The following CACNA2D3 variants were observed in gnomAD, a reference collection of about 807,000 sequenced individuals.
CACNA2D3 encodes calcium voltage-gated channel auxiliary subunit alpha2delta 3.
CACNA2D3 carries 60 observed loss-of-function variants against 160.6 expected under a neutral mutation model. The ratio of observed to expected loss-of-function variants is 0.37; its 90% CI spans 0.30 to 0.46. The LOEUF is 0.46. CACNA2D3 is among the 20% of genes least tolerant of loss of function. The pLI, the probability that CACNA2D3 is intolerant of heterozygous loss-of-function variation, is 1.00. For synonymous variants in CACNA2D3, 558 were observed against 492.9 expected (o/e 1.13, Z -1.75); for missense variants, 1,205 against 1,365.0 (o/e 0.88, Z 1.85).
chr3:54,999,884 A>G (rs971149909), intron 31 of CACNA2D3, among the ~76,000 whole-genome samples: 4 of 152,202 alleles, frequency 2.6e-5, no homozygotes, highest in African/African-American at 9.6e-5. Flanking sequence ...CCAAGGCTCT[A>G]CCCAGCATGG....
chr3:54,961,813 T>C lies in CACNA2D3; in HGVS notation c.2450-6637T>C, dbSNP rs182567255. On this transcript the variant is annotated intron_variant, in intron 27 of 37. Coordinates refer to ENST00000474759, the MANE Select transcript of CACNA2D3 (RefSeq NM_018398.3). Reference sequence around the variant, plus strand: ...CAGGACATCTTCTGTTTTCTTTTGCTTTTAACAGAGTGGTAGAAGCCGGGT... The same window carrying C: ...CAGGACATCTTCTGTTTTCTTTTGCCTTTAACAGAGTGGTAGAAGCCGGGT... 2.2e-3 allele frequency among the ~76,000 whole-genome samples: 341 copies of C among 152,292 alleles called. 1 individual carries two copies. The highest frequency in any genetic ancestry group is 4.2e-3 in the Non-Finnish European group (283 of 68,018).
chr3:54,377,130 G>T (rs1437376521), intron 3 of CACNA2D3, among the ~76,000 whole-genome samples: 1 of 152,210 alleles, frequency 6.6e-6, no homozygotes, highest in Non-Finnish European at 1.5e-5. Flanking sequence ...ACAGGAGCTT[G>T]CTTTGGCAAA....
chr3:54,351,916 A>G (rs1698571691), intron 3 of CACNA2D3, among the ~76,000 whole-genome samples: 1 of 151,616 alleles, frequency 6.6e-6, no homozygotes, highest in Non-Finnish European at 1.5e-5. Flanking sequence ...ATCTAAACCC[A>G]TGTTGGATAC....
At position 54,297,712 on chromosome 3, in the gene CACNA2D3, C is replaced by CAAA. The variant is rs5849037; in HGVS notation, c.205-22715_205-22713dup. ...ATGTTGGTTCCCCTCTCCCCGCCAC[C>CAAA]AAAAAAAAAAAAAAAAAGAGTGAAG... On this transcript the variant is annotated intron_variant, in intron 2 of 37. Transcript: ENST00000474759. Among the ~76,000 whole-genome samples the CAAA allele has an allele frequency of 7.7e-4, 89 of 116,242 alleles. 1 individual carries two copies. The highest frequency in any genetic ancestry group is 0.01 in the Middle Eastern group (2 of 200). 76.3% of individuals were successfully genotyped at this position (116,242 alleles called of 152,430 possible). A position where few individuals can be genotyped will look rare whatever the true frequency, so the allele number is the denominator to read the frequency against.
At chr3:54,660,019 T>G (rs1042461136) in intron 11 of CACNA2D3, among the ~76,000 whole-genome samples, 4 of 152,068 alleles carry the variant, frequency 2.6e-5, no homozygotes, top group Admixed American at 2.0e-4. Flanking sequence ...CCCTTTGAAG[T>G]CAATCCTGAC....
At chr3:54,776,767 C>T (rs1261143067) in intron 13 of CACNA2D3, among the ~76,000 whole-genome samples, 38 of 152,228 alleles carry the variant, frequency 2.5e-4, no homozygotes, top group Admixed American at 2.5e-3. Context: ...CCCCAGTGGA[C>T]CCAAGTGTCC....
chr3:54,772,356 A>T (rs1360937523), intron 13 of CACNA2D3, among the ~76,000 whole-genome samples: 1 of 151,998 alleles, frequency 6.6e-6, no homozygotes, highest in African/African-American at 2.4e-5. Context: ...ACCCGTGAGT[A>T]TAGTGCTTTC....
chr3:54,206,109 G>A (rs1018684552), intron 2 of CACNA2D3, among the ~76,000 whole-genome samples: 1 of 152,206 alleles, frequency 6.6e-6, no homozygotes, highest in African/African-American at 2.4e-5. Flanking sequence ...AACGTTCGAA[G>A]ATGGTGCACC....
intron 4 of CACNA2D3, among the ~76,000 whole-genome samples, chr3:54,405,470 G>T (rs35221846): frequency 0.12 from 17,608 of 151,930 alleles, 1,248 homozygotes; most frequent in East Asian, 0.24. Context: ...CACAATGGGG[G>T]AAAGAATAGT....
At chr3:54,782,774 G>A (rs1215863652) in intron 13 of CACNA2D3, among the ~76,000 whole-genome samples, 3 of 152,242 alleles carry the variant, frequency 2.0e-5, no homozygotes, top group East Asian at 1.9e-4. Flanking sequence ...ATTTAGAAAC[G>A]ACTAGAGTAA....
chr3:54,185,175 G>T (rs1331364203), intron 2 of CACNA2D3, among the ~76,000 whole-genome samples: 1 of 152,208 alleles, frequency 6.6e-6, no homozygotes, highest in Admixed American at 6.5e-5. Flanking sequence ...GTACTTTTCA[G>T]ATTGCAGTTC....
intron 32 of CACNA2D3, among the ~76,000 whole-genome samples, chr3:55,007,236 C>T (rs1462481110): frequency 6.6e-6 from 1 of 152,096 alleles, no homozygotes; most frequent in Non-Finnish European, 1.5e-5. Flanking sequence ...GATAAAATCA[C>T]ATGTTTATAT....
chr3:54,559,663 T>C (rs1227836040), intron 5 of CACNA2D3, among the ~76,000 whole-genome samples: 1 of 151,800 alleles, frequency 6.6e-6, no homozygotes, highest in Non-Finnish European at 1.5e-5. Context: ...GTCATGGGGG[T>C]TTGTCGTACA....
chr3:54,184,142 A>T (rs1446116611), intron 2 of CACNA2D3, among the ~76,000 whole-genome samples: 1 of 152,006 alleles, frequency 6.6e-6, no homozygotes, highest in Non-Finnish European at 1.5e-5. Flanking sequence ...GGAAATAAGT[A>T]CTCTTACAGA....
intron 11 of CACNA2D3, among the ~76,000 whole-genome samples, chr3:54,738,496 T>C (rs1436481083): frequency 6.6e-6 from 1 of 152,148 alleles, no homozygotes; most frequent in Non-Finnish European, 1.5e-5. Context: ...CCATGAAAAA[T>C]GCTGACCCTA....
chr3:54,876,274 T>C (rs1231082721), intron 18 of CACNA2D3: 1 of 152,232 alleles, frequency 6.6e-6, no homozygotes, highest in Non-Finnish European at 1.5e-5. Context: ...CTCACTGTGA[T>C]TCTGGGCAAG....
intron 3 of CACNA2D3, among the ~76,000 whole-genome samples, chr3:54,366,088 C>G (rs1698823462): frequency 6.6e-6 from 1 of 152,176 alleles, no homozygotes; most frequent in Admixed American, 6.5e-5. Flanking sequence ...TGCAGCATCT[C>G]TCTGAGCTCA....
chr3:54,400,224 G>A (rs1053902489), intron 4 of CACNA2D3, among the ~76,000 whole-genome samples: 17 of 149,744 alleles, frequency 1.1e-4, no homozygotes, highest in South Asian at 2.2e-4. Flanking sequence ...AGATGAACCC[G>A]GTACCTCAGA....
intron 4 of CACNA2D3, among the ~76,000 whole-genome samples, chr3:54,473,488 C>T (rs1264567880): frequency 2.0e-5 from 3 of 152,132 alleles, no homozygotes; most frequent in Non-Finnish European, 4.4e-5. Flanking sequence ...GACGTCATGA[C>T]TAAAACACCA....
Sources: gnomAD v4.1 joint callset for allele counts (sites outside exome capture counted in the v4.1 genomes callset) on GRCh38, gnomAD v4.1.1 for gene constraint, MANE v1.5 for transcripts, NCBI Gene and HGNC (gene_info 2026-07-23, HGNC 2026-07-21) for gene names.